Variants in SPCS2 observed in about 807,000 individuals in gnomAD.
SPCS2 encodes SPase 25 kDa subunit.
SPCS2 carries 3 observed loss-of-function variants against 22.3 expected under a neutral mutation model. The ratio of observed to expected loss-of-function variants is 0.13; its 90% CI spans 0.06 to 0.35. The LOEUF is 0.35. SPCS2 is among the 10% of genes least tolerant of loss of function. The pLI, the probability that SPCS2 is intolerant of heterozygous loss-of-function variation, is 1.00. For synonymous variants in SPCS2, 67 were observed against 97.2 expected, an observed-to-expected ratio of 0.69 and a Z score of 1.83; for missense variants, 169 against 280.9, an observed-to-expected ratio of 0.60 and a Z score of 2.85.
At chr11:74,958,205 C>T (rs986883121) in intron 1 of SPCS2, among the ~76,000 whole-genome samples, 1 of 152,192 alleles carries the variant, frequency 6.6e-6, no homozygotes, top group African/African-American at 2.4e-5. Flanking sequence ...CTGGGGTTGT[C>T]ACTAATGTGT....
chr11:74,966,067 T>G, intron 3 of SPCS2, 144 bp downstream of exon 3: 1 of 713,346 alleles, frequency 1.4e-6, no homozygotes, highest in Non-Finnish European at 2.4e-6. Flanking sequence ...GATGTTTATA[T>G]AGTAAATATC....
At chr11:74,957,241 T>G (rs1029289582) in intron 1 of SPCS2, among the ~76,000 whole-genome samples, 1 of 152,226 alleles carries the variant, frequency 6.6e-6, no homozygotes, top group African/African-American at 2.4e-5. Context: ...ATTATTTTTT[T>G]CTTTTAAAAG....
intron 4 of SPCS2, among the ~76,000 whole-genome samples, chr11:74,974,594 T>C (rs1948605021): frequency 6.6e-6 from 1 of 152,178 alleles, no homozygotes; most frequent in African/African-American, 2.4e-5. Flanking sequence ...CTCTCACATA[T>C]GTTACTGTAA....
chr11:74,966,875 A>G (rs1369676415), intron 3 of SPCS2, among the ~76,000 whole-genome samples: 1 of 151,842 alleles, frequency 6.6e-6, no homozygotes, highest in Admixed American at 6.6e-5. Context: ...CAATTCTCCC[A>G]CCTCAACCTC....
At chr11:74,952,551 A>G (rs1413792116) in intron 1 of SPCS2, among the ~76,000 whole-genome samples, 2 of 152,122 alleles carry the variant, frequency 1.3e-5, no homozygotes, top group African/African-American at 4.8e-5. Context: ...TCCTGGCCTC[A>G]AGTGATCTGC....
At chr11:74,949,625 G>T (rs768240967) in intron 1 of SPCS2, 4 of 593,682 alleles carry the variant, frequency 6.7e-6, no homozygotes, top group Non-Finnish European at 1.3e-5. Flanking sequence ...CAAGTGTTCT[G>T]GTCCTGGTCG....
chr11:74,958,922 A>T (rs866362545), intron 1 of SPCS2, among the ~76,000 whole-genome samples: 1 of 148,390 alleles, frequency 6.7e-6, no homozygotes, highest in Admixed American at 6.7e-5. Flanking sequence ...AAAATGACTT[A>T]AAAAAAAAAC....
At position 74,965,075 on chromosome 11, in the gene SPCS2, T is replaced by C. The variant is rs1948535893; in HGVS notation, c.156T>C (p.Asp52=). The C allele has an allele frequency of 3.9e-6, 6 of 1,551,454 alleles. No homozygotes were observed. In the African/African-American group the frequency reaches 5.5e-5, roughly 14 times the overall value. ...AGCCTGTAAAAATTGACAAGTGGGA[T>C]GGATCAGCTGTGAAAAACTCTTTGG... ...DDKPVKIDKW[D]GSAVKNSLDD... Residue 52 remains aspartate (D), a synonymous_variant, in exon 2 of 5, where the codon GAT becomes GAC. Transcript: ENST00000263672.
At chr11:74,965,003 T>C (rs1394189467) in intron 1 of SPCS2, 31 bp from the exon 2 acceptor site, 2 of 1,496,044 alleles carry the variant, frequency 1.3e-6, no homozygotes, top group African/African-American at 2.8e-5. Flanking sequence ...GCCAGGTTTC[T>C]TGATGCACAA....
At chr11:74,969,514 G>A in intron 3 of SPCS2, 51 bp from the exon 4 acceptor site, 2 of 1,558,292 alleles carry the variant, frequency 1.3e-6, no homozygotes, top group Non-Finnish European at 1.8e-6. Flanking sequence ...TTGTCAATTT[G>A]TGTTACTTCT....
intron 1 of SPCS2, among the ~76,000 whole-genome samples, chr11:74,950,610 C>T (rs1397785670): frequency 6.6e-6 from 1 of 152,206 alleles, no homozygotes; most frequent in Non-Finnish European, 1.5e-5. Context: ...GATCTTAGCT[C>T]ACTGCGGCCT....
In SPCS2 at chr11:74,976,837, A is replaced by T. The variant is rs781756419; in HGVS notation, c.495-20A>T. On this transcript the variant is annotated intron_variant, in intron 4 of 4. Transcript: ENST00000263672. ...CTCTGTGTTTGGTTTTTAATTTGTT[A>T]TCTTTGCCCCCATGCTTAGGTTTGA... 3.7e-6 allele frequency: 6 copies of T among 1,613,430 alleles called. No individual in the cohort carries two copies. The East Asian group carries it at 1.3e-4, about 36-fold the overall frequency.
intron 4 of SPCS2, among the ~76,000 whole-genome samples, chr11:74,975,255 C>A (rs1446245524): frequency 6.6e-6 from 1 of 152,092 alleles, no homozygotes; most frequent in Non-Finnish European, 1.5e-5. Context: ...TTTCCTGGAA[C>A]ATTCTTTTTC....
chr11:74,975,559 A>G (rs764422994), intron 4 of SPCS2, among the ~76,000 whole-genome samples: 3 of 152,224 alleles, frequency 2.0e-5, no homozygotes, highest in Non-Finnish European at 4.4e-5. Flanking sequence ...CACCAAAGCC[A>G]TGTAACTGCC....
chr11:74,960,210 T>G (rs536806803), intron 1 of SPCS2, among the ~76,000 whole-genome samples: 7 of 152,220 alleles, frequency 4.6e-5, no homozygotes, highest in Non-Finnish European at 8.8e-5. Flanking sequence ...CACTTGTCTG[T>G]AATCCCAGCT....
intron 1 of SPCS2, among the ~76,000 whole-genome samples, chr11:74,952,999 A>G (rs1466441371): frequency 1.3e-5 from 2 of 152,148 alleles, no homozygotes; most frequent in Non-Finnish European, 2.9e-5. Flanking sequence ...AACACAAGAT[A>G]AGTACTTTTA....
chr11:74,961,134 A>G (rs1187831667), intron 1 of SPCS2, among the ~76,000 whole-genome samples: 1 of 152,188 alleles, frequency 6.6e-6, no homozygotes, highest in Admixed American at 6.5e-5. Context: ...CAATACATAC[A>G]GTCAGGTAAC....
intron 3 of SPCS2, 67 bp downstream of exon 3, chr11:74,965,990 C>T: frequency 6.9e-7 from 1 of 1,454,114 alleles, no homozygotes; most frequent in South Asian, 1.4e-5. Flanking sequence ...ATATTTCTCC[C>T]TACAAAAAAC....
chr11:74,968,640 C>T (rs1029989662), intron 3 of SPCS2, among the ~76,000 whole-genome samples: 2 of 151,884 alleles, frequency 1.3e-5, no homozygotes, highest in Non-Finnish European at 2.9e-5. Flanking sequence ...TCTCATGCCT[C>T]AGCCTCCTGA....
Sources: gnomAD v4.1 joint callset for allele counts (sites outside exome capture counted in the v4.1 genomes callset) on GRCh38, gnomAD v4.1.1 for gene constraint, MANE v1.5 for transcripts, NCBI Gene and HGNC (gene_info 2026-07-23, HGNC 2026-07-21) for gene names.